RORA: variants seen among roughly 807,000 people sequenced by gnomAD.
RORA encodes the protein nuclear receptor ROR-alpha.
In RORA, 7 loss-of-function variants were observed where a neutral mutation model predicts 69.5. The observed-to-expected ratio is 0.10, with a 90% CI of 0.06 to 0.19. The LOEUF is 0.19. RORA is among the 10% of genes least tolerant of loss of function. The pLI is 1.00. For missense variants in RORA, 457 were observed against 663.0 expected (o/e 0.69, Z 3.41); for synonymous variants, 261 against 240.8 (o/e 1.08, Z -0.78).
At chr15:60,846,946 C>T (rs2073272976) in intron 1 of RORA, among the ~76,000 whole-genome samples, 1 of 152,088 alleles carries the variant, frequency 6.6e-6, no homozygotes, top group African/African-American at 2.4e-5. Context: ...CTGTAAAAAT[C>T]TAAATGGATA....
chr15:61,089,847 A>G (rs1166262187), intron 1 of RORA, among the ~76,000 whole-genome samples: 1 of 152,106 alleles, frequency 6.6e-6, no homozygotes, highest in Non-Finnish European at 1.5e-5. Flanking sequence ...GACCTCATCA[A>G]GCTGTTGGCA....
At chr15:60,841,854 C>T (rs906867063) in intron 1 of RORA, among the ~76,000 whole-genome samples, 2 of 152,194 alleles carry the variant, frequency 1.3e-5, no homozygotes, top group Non-Finnish European at 2.9e-5. Context: ...GTAAAACAGC[C>T]TCAAACCTTT....
intron 1 of RORA, among the ~76,000 whole-genome samples, chr15:60,788,149 A>AT (rs1168147703): frequency 6.6e-6 from 1 of 152,242 alleles, no homozygotes; most frequent in Non-Finnish European, 1.5e-5. Context: ...GACAGGAAGG[A>AT]TGCTGAAAGC....
At chr15:60,958,723 G>A (rs1004291115) in intron 1 of RORA, among the ~76,000 whole-genome samples, 1 of 152,148 alleles carries the variant, frequency 6.6e-6, no homozygotes, top group Non-Finnish European at 1.5e-5. Context: ...AGAAATAATG[G>A]CAGCCGTGGC....
intron 2 of RORA, among the ~76,000 whole-genome samples, chr15:60,607,967 T>C (rs79644023): frequency 0.017 from 2,594 of 152,334 alleles, 64 homozygotes; most frequent in African/African-American, 0.057. Flanking sequence ...GATACCTTTT[T>C]CTTGGCTGCA....
chr15:60,762,901 C>T (rs753099652), intron 1 of RORA, among the ~76,000 whole-genome samples: 20 of 152,022 alleles, frequency 1.3e-4, no homozygotes, highest in Admixed American at 1.0e-3. Flanking sequence ...GGACATAGCA[C>T]GCCTAATTGT....
chr15:60,807,084 A>G (rs551867342), intron 1 of RORA, among the ~76,000 whole-genome samples: 1 of 152,328 alleles, frequency 6.6e-6, no homozygotes, highest in Non-Finnish European at 1.5e-5. Flanking sequence ...AGAGAAAGAA[A>G]GAAAGGGCAT....
intron 1 of RORA, among the ~76,000 whole-genome samples, chr15:61,205,409 G>A (rs986749368): frequency 6.6e-6 from 1 of 152,208 alleles, no homozygotes; most frequent in African/African-American, 2.4e-5. Flanking sequence ...ACACGCCTCT[G>A]CCAAGCCACA....
At chr15:61,190,198 T>G (rs1245741559) in intron 1 of RORA, among the ~76,000 whole-genome samples, 2 of 151,978 alleles carry the variant, frequency 1.3e-5, no homozygotes, top group Non-Finnish European at 2.9e-5. Flanking sequence ...AAAATCAGTG[T>G]GTCTTGCTGT....
At chr15:61,090,753 G>C (rs954312812) in intron 1 of RORA, among the ~76,000 whole-genome samples, 2 of 152,054 alleles carry the variant, frequency 1.3e-5, no homozygotes, top group South Asian at 4.1e-4. Context: ...AATCTCTCCC[G>C]GTGAAACAGG....
At chr15:61,158,606 C>G (rs1163861214) in intron 1 of RORA, among the ~76,000 whole-genome samples, 1 of 152,148 alleles carries the variant, frequency 6.6e-6, no homozygotes, top group Non-Finnish European at 1.5e-5. Context: ...TTACAAGTGT[C>G]CACTTATTTA....
intron 1 of RORA, among the ~76,000 whole-genome samples, chr15:60,746,784 A>G (rs2071654505): frequency 6.6e-6 from 1 of 152,258 alleles, no homozygotes; most frequent in South Asian, 2.1e-4. Flanking sequence ...ATATGTGGTC[A>G]TAAAAAATAT....
intron 1 of RORA, among the ~76,000 whole-genome samples, chr15:61,123,076 T>TAG (rs905639821): frequency 6.6e-6 from 1 of 152,138 alleles, no homozygotes; most frequent in Non-Finnish European, 1.5e-5. Context: ...CAGAGCCCAT[T>TAG]AGAGAGCTAT....
rs1433841161 is a variant in RORA, at chr15:61,176,890, AT to A, written c.166+52162del. 7.9e-5 allele frequency among the ~76,000 whole-genome samples: 12 copies of A among 152,320 alleles called. No homozygotes were observed. In the East Asian group the frequency reaches 2.3e-3, roughly 29 times the overall value. ...TACGCAGGTTTTAACATAAATGTTC[AT>A]GCTTTATATGTCCTGACTTCAAATT... On this transcript the variant is annotated intron_variant, in intron 1 of 10. Transcript: ENST00000335670.
At chr15:60,943,669 A>G (rs898807330) in intron 1 of RORA, among the ~76,000 whole-genome samples, 3 of 151,972 alleles carry the variant, frequency 2.0e-5, no homozygotes, top group Admixed American at 6.6e-5. Flanking sequence ...TAATCCCAGC[A>G]CTTTGGGAGG....
chr15:60,797,057 T>G (rs2072509259), intron 1 of RORA, among the ~76,000 whole-genome samples: 1 of 148,106 alleles, frequency 6.8e-6, no homozygotes, highest in African/African-American at 2.5e-5. Context: ...TATCTATATA[T>G]TTATTAATTA....
chr15:60,576,019 T>C (rs961962976), intron 2 of RORA, among the ~76,000 whole-genome samples: 6 of 152,212 alleles, frequency 3.9e-5, no homozygotes, highest in East Asian at 1.9e-4. Flanking sequence ...TGCCTTGCTT[T>C]CCTTCCTCTT....
At chr15:60,972,763 T>A (rs1595854382) in intron 1 of RORA, among the ~76,000 whole-genome samples, 1 of 152,202 alleles carries the variant, frequency 6.6e-6, no homozygotes, top group Non-Finnish European at 1.5e-5. Context: ...ACTTACTACA[T>A]AGGGATTTTG....
chr15:60,800,855 T>A (rs907531721), intron 1 of RORA, among the ~76,000 whole-genome samples: 2 of 152,182 alleles, frequency 1.3e-5, no homozygotes, highest in African/African-American at 4.8e-5. Flanking sequence ...CAGCATTTAC[T>A]ATGTTGGGCT....
Sources: gnomAD v4.1 joint callset for allele counts (sites outside exome capture counted in the v4.1 genomes callset) on GRCh38, gnomAD v4.1.1 for gene constraint, MANE v1.5 for transcripts, NCBI Gene and HGNC (gene_info 2026-07-23, HGNC 2026-07-21) for gene names.